Variants in KCNIP4 observed in about 807,000 individuals in gnomAD.
The protein encoded by KCNIP4 is Kv channel-interacting protein 4.
In KCNIP4, 12 loss-of-function variants were observed where a neutral mutation model predicts 34.0. That is an observed-to-expected ratio of 0.35 (90% CI 0.23 to 0.57). The LOEUF (loss-of-function observed/expected upper bound fraction) is 0.57. Ranked by LOEUF, KCNIP4 falls within the 20% of genes least tolerant of loss-of-function variation. KCNIP4 has a pLI of 0.83. For synonymous variants in KCNIP4, 124 were observed against 102.2 expected (o/e 1.21, Z -1.29); for missense variants, 238 against 311.7 (o/e 0.76, Z 1.78).
intron 1 of KCNIP4, among the ~76,000 whole-genome samples, chr4:21,898,232 C>T (rs770247626): frequency 5.9e-5 from 9 of 152,136 alleles, no homozygotes; most frequent in Non-Finnish European, 1.2e-4. Context: ...AATTCCTGGG[C>T]AAGTCCTGGT....
At chr4:21,016,522 C>G (rs1195161885) in intron 1 of KCNIP4, among the ~76,000 whole-genome samples, 1 of 152,106 alleles carries the variant, frequency 6.6e-6, no homozygotes, top group Non-Finnish European at 1.5e-5. Context: ...GTCTCGATCT[C>G]CTGACCTCGT....
chr4:20,979,494 G>C (rs1057302556), intron 1 of KCNIP4, among the ~76,000 whole-genome samples: 9 of 151,526 alleles, frequency 5.9e-5, no homozygotes, highest in Non-Finnish European at 1.2e-4. Context: ...CGCCTCCCGG[G>C]TTCACGCCAC....
At chr4:21,185,789 T>C (rs1460552341) in intron 1 of KCNIP4, among the ~76,000 whole-genome samples, 3 of 152,194 alleles carry the variant, frequency 2.0e-5, no homozygotes, top group Non-Finnish European at 4.4e-5. Flanking sequence ...TCCATTTCCA[T>C]AATTGGCAAA....
chr4:21,475,000 C>CAAAAAAAA (rs10681441), intron 1 of KCNIP4, among the ~76,000 whole-genome samples: 3 of 105,674 alleles, frequency 2.8e-5, no homozygotes, highest in East Asian at 2.7e-4. Context: ...GACTCCATCT[C>CAAAAAAAA]GAAAAACAAA....
intron 1 of KCNIP4, among the ~76,000 whole-genome samples, chr4:21,401,876 C>T (rs1025610718): frequency 1.3e-5 from 2 of 152,162 alleles, no homozygotes; most frequent in African/African-American, 4.8e-5. Context: ...GAAGTCAGGT[C>T]TATATTTTCC....
chr4:21,610,415 T>C (rs1486288036), intron 1 of KCNIP4, among the ~76,000 whole-genome samples: 2 of 152,216 alleles, frequency 1.3e-5, no homozygotes, highest in Admixed American at 6.5e-5. Context: ...AGCAGTGATA[T>C]TGGCTTAGGG....
rs79344573 is a variant in KCNIP4, at chr4:20,825,997, C to CT, written c.288+24545dup. ...TCCATTACGTTTTTAAAATAGCAGA[C>CT]TTTTTTTTTTTTTGAAAACCCTCTT... is the stretch of plus-strand genomic sequence containing the variant. On this transcript the variant is annotated intron_variant, in intron 3 of 8. Coordinates refer to ENST00000382152, the MANE Select transcript of KCNIP4 (RefSeq NM_025221.6). 7.0e-3 allele frequency among the ~76,000 whole-genome samples: 1,005 copies of CT among 143,444 alleles called. 7 individuals are homozygous for CT. The highest frequency in any genetic ancestry group is 0.013 in the African/African-American group (498 of 39,412). 94.1% of individuals were successfully genotyped at this position (143,444 alleles called of 152,430 possible). A position where few individuals can be genotyped will look rare whatever the true frequency, so the allele number is the denominator to read the frequency against.
At chr4:21,249,171 C>A (rs996757026) in intron 1 of KCNIP4, among the ~76,000 whole-genome samples, 1 of 151,876 alleles carries the variant, frequency 6.6e-6, no homozygotes, top group African/African-American at 2.4e-5. Flanking sequence ...CTCTGGGGAC[C>A]AATTATTACA....
intron 1 of KCNIP4, among the ~76,000 whole-genome samples, chr4:21,426,190 A>C (rs1030897940): frequency 6.6e-6 from 1 of 152,214 alleles, no homozygotes; most frequent in Non-Finnish European, 1.5e-5. Flanking sequence ...GGCACAAAAG[A>C]CCACTTTATT....
intron 1 of KCNIP4, among the ~76,000 whole-genome samples, chr4:21,518,797 C>T (rs529909115): frequency 2.0e-5 from 3 of 152,144 alleles, no homozygotes; most frequent in East Asian, 1.9e-4. Flanking sequence ...AGGATATTTT[C>T]GGGGACACTG....
chr4:21,147,956 A>AAAAAAAAAAAAAAAAAAAAAAAG (rs1553945843), intron 1 of KCNIP4, among the ~76,000 whole-genome samples: 24 of 128,422 alleles, frequency 1.9e-4, no homozygotes, highest in African/African-American at 3.4e-4. Context: ...AAAAAAAAAA[A>AAAAAAAAAAAAAAAAAAAAAAAG]AAAAGAAAAA....
intron 1 of KCNIP4, among the ~76,000 whole-genome samples, chr4:21,931,984 C>A (rs1018153610): frequency 2.6e-5 from 4 of 152,032 alleles, no homozygotes; most frequent in African/African-American, 7.2e-5. Context: ...TACAATTACA[C>A]ATTGTAGTTG....
chr4:21,460,000 GGAT>G (rs1292243496), intron 1 of KCNIP4, among the ~76,000 whole-genome samples: 1 of 151,748 alleles, frequency 6.6e-6, no homozygotes, highest in Non-Finnish European at 1.5e-5. Flanking sequence ...AACGCAAATT[GGAT>G]GATATCACTC....
intron 1 of KCNIP4, among the ~76,000 whole-genome samples, chr4:21,547,125 G>C (rs898079724): frequency 1.3e-5 from 2 of 152,068 alleles, no homozygotes; most frequent in Non-Finnish European, 2.9e-5. Flanking sequence ...TGAATGTGGA[G>C]TAGAAATGCC....
At chr4:21,332,700 A>G (rs1490043260) in intron 1 of KCNIP4, among the ~76,000 whole-genome samples, 1 of 151,872 alleles carries the variant, frequency 6.6e-6, no homozygotes, top group Admixed American at 6.6e-5. Flanking sequence ...GTAATGTATT[A>G]CATCAGTGGA....
intron 1 of KCNIP4, among the ~76,000 whole-genome samples, chr4:21,911,000 A>C (rs1299584625): frequency 6.6e-6 from 1 of 152,180 alleles, no homozygotes; most frequent in African/African-American, 2.4e-5. Context: ...AGTGGAAAGC[A>C]ACCTTATTTT....
At chr4:21,358,067 G>A (rs1214774061) in intron 1 of KCNIP4, among the ~76,000 whole-genome samples, 1 of 152,108 alleles carries the variant, frequency 6.6e-6, no homozygotes, top group Non-Finnish European at 1.5e-5. Context: ...ATTATCACAA[G>A]GACAGAAAAT....
At chr4:21,296,409 T>TC (rs1491555917) in intron 1 of KCNIP4, among the ~76,000 whole-genome samples, 26 of 133,772 alleles carry the variant, frequency 1.9e-4, no homozygotes, top group Admixed American at 9.3e-4. Context: ...TCTCTCTCTC[T>TC]TTTTTTTTTT....
intron 1 of KCNIP4, among the ~76,000 whole-genome samples, chr4:21,321,807 G>GAAGTGGGGA (rs1714485658): frequency 7.2e-6 from 1 of 138,202 alleles, no homozygotes; most frequent in Non-Finnish European, 1.6e-5. Context: ...GGAGGGAGAA[G>GAAGTGGGGA]AGGAGGGAAG....
Sources: gnomAD v4.1 joint callset for allele counts (sites outside exome capture counted in the v4.1 genomes callset) on GRCh38, gnomAD v4.1.1 for gene constraint, MANE v1.5 for transcripts, NCBI Gene and HGNC (gene_info 2026-07-23, HGNC 2026-07-21) for gene names.